The following ADARB2 variants were observed in gnomAD, a reference collection of about 807,000 sequenced individuals.
ADARB2 encodes inactive double-stranded RNA-specific editase B2.
ADARB2 carries 25 observed loss-of-function variants against 62.2 expected under a neutral mutation model. The observed-to-expected ratio is 0.40, with a 90% CI of 0.29 to 0.56. ADARB2 has a LOEUF of 0.56. Among genes scored for constraint, ADARB2 ranks in the 20% least tolerant of loss-of-function variants. The pLI is 0.43. For missense variants in ADARB2, 1,071 were observed against 1,077.4 expected (o/e 0.99, Z 0.08); for synonymous variants, 572 against 500.8 (o/e 1.14, Z -1.90).
intron 4 of ADARB2, among the ~76,000 whole-genome samples, chr10:1,269,129 C>T (rs1831235418): frequency 6.6e-6 from 1 of 152,132 alleles, no homozygotes; most frequent in African/African-American, 2.4e-5. Context: ...TCCCCCTACC[C>T]TTCCTCCTTT....
At chr10:1,390,124 CAAAAT>C (rs937051907) in intron 1 of ADARB2, among the ~76,000 whole-genome samples, 35 of 152,212 alleles carry the variant, frequency 2.3e-4, no homozygotes, top group Non-Finnish European at 2.9e-4. Context: ...TAAAACAAAA[CAAAAT>C]GAGTGAAATA....
At chr10:1,576,144 GGGTC>G (rs1833017157) in intron 1 of ADARB2, among the ~76,000 whole-genome samples, 4 of 124,766 alleles carry the variant, frequency 3.2e-5, no homozygotes, top group Middle Eastern at 4.9e-3. Context: ...CACAAGAGGG[GGGTC>G]CACGGTCACA....
At chr10:1,544,485 C>T (rs1275022575) in intron 1 of ADARB2, among the ~76,000 whole-genome samples, 1 of 152,196 alleles carries the variant, frequency 6.6e-6, no homozygotes, top group African/African-American at 2.4e-5. Flanking sequence ...AGAGACCACC[C>T]TTCTGGATTC....
intron 1 of ADARB2, among the ~76,000 whole-genome samples, chr10:1,725,746 G>A (rs956263473): frequency 2.0e-5 from 3 of 152,230 alleles, no homozygotes; most frequent in African/African-American, 7.2e-5. Flanking sequence ...TGTTATGAGT[G>A]ACAAGAACGC....
At chr10:1,624,474 G>A (rs1209295040) in intron 1 of ADARB2, among the ~76,000 whole-genome samples, 1 of 152,060 alleles carries the variant, frequency 6.6e-6, no homozygotes, top group South Asian at 2.1e-4. Context: ...CCTCCCCACC[G>A]GCTGGGGACC....
intron 3 of ADARB2, among the ~76,000 whole-genome samples, chr10:1,284,431 T>A (rs961199263): frequency 4.6e-5 from 7 of 152,090 alleles, no homozygotes; most frequent in Admixed American, 2.6e-4. Context: ...GCTAGGAAGG[T>A]TAAACTGTTG....
chr10:1,652,064 G>T (rs1834118235), intron 1 of ADARB2, among the ~76,000 whole-genome samples: 1 of 152,196 alleles, frequency 6.6e-6, no homozygotes, highest in Non-Finnish European at 1.5e-5. Context: ...TGTGATTATG[G>T]TCACTGTATT....
intron 5 of ADARB2, among the ~76,000 whole-genome samples, chr10:1,234,315 A>G (rs1830842002): frequency 6.6e-6 from 1 of 151,794 alleles, no homozygotes; most frequent in Non-Finnish European, 1.5e-5. Flanking sequence ...TTCACACCCC[A>G]TAGTGTGTCT....
At chr10:1,609,952 T>C (rs1342421769) in intron 1 of ADARB2, among the ~76,000 whole-genome samples, 1 of 152,264 alleles carries the variant, frequency 6.6e-6, no homozygotes, top group Non-Finnish European at 1.5e-5. Context: ...CGACTTCAGA[T>C]GCTTCTGCTT....
At chr10:1,670,861 G>A (rs572637044) in intron 1 of ADARB2, among the ~76,000 whole-genome samples, 52 of 152,292 alleles carry the variant, frequency 3.4e-4, no homozygotes, top group Admixed American at 1.0e-3. Context: ...CGCAGGAGCC[G>A]TGGCAAAAAC....
intron 1 of ADARB2, among the ~76,000 whole-genome samples, chr10:1,453,720 TAAAC>T (rs1400592852): frequency 6.6e-6 from 1 of 152,024 alleles, no homozygotes. Context: ...CCAAAGAAGG[TAAAC>T]AAACAGCCAG....
Position 1,724,757 on chromosome 10 carries a change from C to G in ADARB2, c.100+12294G>C, listed in dbSNP as rs17156861. Among the ~76,000 whole-genome samples the G allele has an allele frequency of 7.2e-3, 1,098 of 152,272 alleles. 15 individuals carry two copies. The highest frequency in any genetic ancestry group is 0.025 in the African/African-American group (1,034 of 41,554). The stretch of plus-strand genomic sequence containing the variant: ...ATGGGGGACCCTAGCCACGTCTACC[C>G]TTTGTGGGAGAGAGGATGTAACCTA... On this transcript the variant is annotated intron_variant, in intron 1 of 9. Coordinates refer to ENST00000381312, the MANE Select transcript of ADARB2 (RefSeq NM_018702.4).
At chr10:1,361,196 T>TCCCCCCCCCCCCCCCCGC (rs1283934348) in intron 3 of ADARB2, 1 of 127,314 alleles carries the variant, frequency 7.9e-6, no homozygotes, top group African/African-American at 2.9e-5. Flanking sequence ...CACCCCCCCA[T>TCCCCCCCCCCCCCCCCGC]CCCCCCTCCC....
At chr10:1,296,697 A>C (rs1453852746) in intron 3 of ADARB2, among the ~76,000 whole-genome samples, 1 of 151,952 alleles carries the variant, frequency 6.6e-6, no homozygotes, top group African/African-American at 2.4e-5. Flanking sequence ...TGACCCCAAA[A>C]CTCCTGGGAC....
intron 1 of ADARB2, among the ~76,000 whole-genome samples, chr10:1,624,290 GA>G (rs1160819822): frequency 6.6e-6 from 1 of 152,140 alleles, no homozygotes; most frequent in Non-Finnish European, 1.5e-5. Context: ...AAAAAAGAAA[GA>G]GAATAAGAAT....
chr10:1,421,373 T>C (rs1832851843), intron 1 of ADARB2, among the ~76,000 whole-genome samples: 1 of 152,022 alleles, frequency 6.6e-6, no homozygotes, highest in Non-Finnish European at 1.5e-5. Context: ...GGTTCCAGGC[T>C]GGCTTCTTGC....
At chr10:1,332,247 A>G (rs1348934273) in intron 3 of ADARB2, among the ~76,000 whole-genome samples, 1 of 152,122 alleles carries the variant, frequency 6.6e-6, no homozygotes, top group African/African-American at 2.4e-5. Context: ...CCACAAAACA[A>G]TAAAAAATTA....
chr10:1,421,413 G>C (rs1832852105), intron 1 of ADARB2, among the ~76,000 whole-genome samples: 1 of 151,894 alleles, frequency 6.6e-6, no homozygotes, highest in South Asian at 2.1e-4. Flanking sequence ...AATCTTTTTG[G>C]GTAACAATGG....
At chr10:1,591,729 T>C (rs11818655) in intron 1 of ADARB2, among the ~76,000 whole-genome samples, 5,273 of 152,172 alleles carry the variant, frequency 0.035, 271 homozygotes, top group African/African-American at 0.11. Context: ...TTGGACGAGG[T>C]GGCAGATTGT....
Sources: gnomAD v4.1 joint callset for allele counts (sites outside exome capture counted in the v4.1 genomes callset) on GRCh38, gnomAD v4.1.1 for gene constraint, MANE v1.5 for transcripts, NCBI Gene and HGNC (gene_info 2026-07-23, HGNC 2026-07-21) for gene names.